Variants in CIRSR observed in about 807,000 individuals in gnomAD.
CIRSR encodes the protein CBF1 (RBPJ) interacting corepressor 1.
the CIRSR span, among the ~76,000 whole-genome samples, chr2:174,352,488 C>T: frequency 3.3e-5 from 5 of 152,130 alleles, no homozygotes; most frequent in Admixed American, 1.3e-4. Flanking sequence ...GTGACTCATG[C>T]GTGTAATCCC....
the CIRSR span, among the ~76,000 whole-genome samples, chr2:174,360,618 AAG>A: frequency 6.6e-6 from 1 of 152,204 alleles, no homozygotes; most frequent in African/African-American, 2.4e-5. Context: ...AGTCATGTAA[AAG>A]AGAGTTATGA....
the CIRSR span, among the ~76,000 whole-genome samples, chr2:174,359,774 A>G: frequency 3.3e-5 from 5 of 152,226 alleles, no homozygotes; most frequent in African/African-American, 1.2e-4. Flanking sequence ...TGTTTACTGC[A>G]GCACTATTCA....
the CIRSR span, among the ~76,000 whole-genome samples, chr2:174,389,450 C>T: frequency 6.6e-6 from 1 of 152,144 alleles, no homozygotes; most frequent in African/African-American, 2.4e-5. Context: ...GAACTTTGAA[C>T]TTGAGAGAGA....
the CIRSR span, among the ~76,000 whole-genome samples, chr2:174,355,613 C>A: frequency 6.6e-6 from 1 of 152,096 alleles, no homozygotes; most frequent in Non-Finnish European, 1.5e-5. Context: ...TAGAAAAATA[C>A]CATGAAATCG....
chr2:174,379,953 G>A, the CIRSR span, among the ~76,000 whole-genome samples: 21 of 151,716 alleles, frequency 1.4e-4, no homozygotes, highest in African/African-American at 5.1e-4. Context: ...TCGAACTCCT[G>A]ACCTTGTGAT....
chr2:174,362,214 G>C, the CIRSR span, among the ~76,000 whole-genome samples: 1 of 152,162 alleles, frequency 6.6e-6, no homozygotes, highest in African/African-American at 2.4e-5. Flanking sequence ...GCTGAGGTGG[G>C]AGGATTGCTT....
At chr2:174,372,117 CTTTAG>C in the CIRSR span, among the ~76,000 whole-genome samples, 59 of 152,166 alleles carry the variant, frequency 3.9e-4, no homozygotes, top group African/African-American at 1.4e-3. Flanking sequence ...TTTCTATTAG[CTTTAG>C]TTAAGTACTA....
At chr2:174,368,014 C>T in the CIRSR span, among the ~76,000 whole-genome samples, 2 of 151,966 alleles carry the variant, frequency 1.3e-5, no homozygotes, top group Non-Finnish European at 2.9e-5. Flanking sequence ...GGTCAATTAC[C>T]CAGGAAGACA....
At chr2:174,356,295 G>A in the CIRSR span, among the ~76,000 whole-genome samples, 2 of 151,818 alleles carry the variant, frequency 1.3e-5, no homozygotes. Context: ...GTGAGACCCT[G>A]TCTCTACAAA....
the CIRSR span, among the ~76,000 whole-genome samples, chr2:174,382,166 G>A: frequency 6.6e-6 from 1 of 152,112 alleles, no homozygotes; most frequent in African/African-American, 2.4e-5. Flanking sequence ...ACTTTTTCTT[G>A]ATTGTAAGGG....
chr2:174,358,116 T>C, the CIRSR span: 1 of 152,236 alleles, frequency 6.6e-6, no homozygotes, highest in African/African-American at 2.4e-5. Context: ...CATTTCGTTT[T>C]AGTCTATGTG....
the CIRSR span, among the ~76,000 whole-genome samples, chr2:174,375,952 G>A: frequency 6.6e-6 from 1 of 152,172 alleles, no homozygotes; most frequent in Non-Finnish European, 1.5e-5. Context: ...TCAACCTTCT[G>A]GCTCAAACAA....
chr2:174,392,002 AG>A, the CIRSR span, among the ~76,000 whole-genome samples: 10 of 152,142 alleles, frequency 6.6e-5, 1 homozygote, highest in East Asian at 1.9e-3. Flanking sequence ...ACAGGTATGC[AG>A]GTTTCTTTTT....
the CIRSR span, among the ~76,000 whole-genome samples, chr2:174,385,019 G>A: frequency 6.6e-6 from 1 of 151,946 alleles, no homozygotes; most frequent in African/African-American, 2.4e-5. Context: ...AGATCAGACT[G>A]ATCAACACAG....
chr2:174,356,984 T>G, the CIRSR span, among the ~76,000 whole-genome samples: 2 of 152,194 alleles, frequency 1.3e-5, no homozygotes, highest in African/African-American at 4.8e-5. Flanking sequence ...TTCTCAACAT[T>G]GATAATTTTA....
chr2:174,379,128 T>C, the CIRSR span: 1 of 913,720 alleles, frequency 1.1e-6, no homozygotes, highest in Non-Finnish European at 1.8e-6. Context: ...GAATTTAAGC[T>C]AAATTACATT....
At chr2:174,349,073 A>G in the CIRSR span, 5 of 1,575,246 alleles carry the variant, frequency 3.2e-6, no homozygotes, top group Admixed American at 1.9e-5. Context: ...AAGATGAGGA[A>G]GAAGAGGACT....
At chr2:174,373,284 T>C in the CIRSR span, among the ~76,000 whole-genome samples, 6 of 127,498 alleles carry the variant, frequency 4.7e-5, no homozygotes, top group Admixed American at 1.8e-4. Context: ...GAAATTTCCC[T>C]AGCATCTTAT....
chr2:174,380,568 T>C, the CIRSR span: 6 of 1,295,236 alleles, frequency 4.6e-6, no homozygotes, highest in South Asian at 6.5e-5. Flanking sequence ...CCTCTAATGA[T>C]TGAAAAAGCA....
Sources: gnomAD v4.1 joint callset for allele counts (sites outside exome capture counted in the v4.1 genomes callset) on GRCh38, gnomAD v4.1.1 for gene constraint, MANE v1.5 for transcripts, NCBI Gene and HGNC (gene_info 2026-07-23, HGNC 2026-07-21) for gene names.